The following BMPR1B variants were observed in gnomAD, a reference collection of about 807,000 sequenced individuals.
BMPR1B encodes the protein bone morphogenetic protein receptor type 1B, also known as bone morphogenetic protein receptor type-1B.
BMPR1B carries 12 observed loss-of-function variants against 59.1 expected under a neutral mutation model. The ratio of observed to expected loss-of-function variants is 0.20; its 90% CI spans 0.13 to 0.33. The LOEUF (loss-of-function observed/expected upper bound fraction) is 0.33. Ranked by LOEUF, BMPR1B falls within the 10% of genes least tolerant of loss-of-function variation. The pLI, the probability that BMPR1B is intolerant of heterozygous loss-of-function variation, is 1.00. For synonymous variants in BMPR1B, 237 were observed against 207.3 expected (o/e 1.14, Z -1.23); for missense variants, 550 against 610.9 (o/e 0.90, Z 1.05).
chr4:95,136,347 C>T (rs1178545055), intron 10 of BMPR1B, among the ~76,000 whole-genome samples: 1 of 152,162 alleles, frequency 6.6e-6, no homozygotes, highest in Non-Finnish European at 1.5e-5. Flanking sequence ...CGATGTTCAT[C>T]AGGGATATTG....
At position 94,803,858 on chromosome 4, in the gene BMPR1B, A is replaced by G. The variant is rs565354189; in HGVS notation, c.-183+45790A>G. Among the ~76,000 whole-genome samples, 30 of 134,214 alleles carry G rather than the reference A, an allele frequency of 2.2e-4. 1 individual carries two copies. The South Asian group carries it at 5.0e-3, about 22-fold the overall frequency. The allele number at this position is 134,214 out of a possible 152,430, so 88.0% of individuals were successfully genotyped here. A position where few individuals can be genotyped will look rare whatever the true frequency, so the allele number is the denominator to read the frequency against. Reference sequence around the variant, plus strand: ...GGTCGTGTGCTTAAAAAGTAAAAAGAAAAAAAACACATTATTTTATTTATT... The same window carrying G: ...GGTCGTGTGCTTAAAAAGTAAAAAGGAAAAAAACACATTATTTTATTTATT... On this transcript the variant is annotated intron_variant, in intron 1 of 12. Coordinates refer to ENST00000515059, the MANE Select transcript of BMPR1B (RefSeq NM_001203.3).
chr4:95,045,471 T>A (rs1578984652), intron 3 of BMPR1B, among the ~76,000 whole-genome samples: 1 of 152,180 alleles, frequency 6.6e-6, no homozygotes, highest in Non-Finnish European at 1.5e-5. Context: ...CTAATTCCCC[T>A]GCTCTCTAGG....
At chr4:94,969,689 C>T (rs1458844965) in intron 2 of BMPR1B, among the ~76,000 whole-genome samples, 1 of 152,152 alleles carries the variant, frequency 6.6e-6, no homozygotes, top group Non-Finnish European at 1.5e-5. Flanking sequence ...CTAATACATA[C>T]ATATTTCACT....
intron 1 of BMPR1B, among the ~76,000 whole-genome samples, chr4:94,768,833 A>C (rs1418818226): frequency 2.0e-5 from 3 of 152,204 alleles, no homozygotes; most frequent in African/African-American, 7.2e-5. Flanking sequence ...TATTTTGAAC[A>C]AAGGAATGTA....
chr4:95,142,200 A>G (rs1334341722), intron 10 of BMPR1B, among the ~76,000 whole-genome samples: 4 of 152,236 alleles, frequency 2.6e-5, no homozygotes, highest in Non-Finnish European at 5.9e-5. Context: ...AACATCTGCC[A>G]GGCAGAGTTC....
At chr4:95,120,683 C>CTT (rs1185524464) in intron 6 of BMPR1B, among the ~76,000 whole-genome samples, 1 of 142,796 alleles carries the variant, frequency 7.0e-6, no homozygotes, top group Non-Finnish European at 1.5e-5. Flanking sequence ...CTTTTCTTTT[C>CTT]TTTCTTTCTT....
chr4:94,800,553 G>T (rs1188239036), intron 1 of BMPR1B, among the ~76,000 whole-genome samples: 1 of 151,110 alleles, frequency 6.6e-6, no homozygotes, highest in African/African-American at 2.4e-5. Context: ...TAGGTGGGCA[G>T]CTGTGAAGGA....
At chr4:94,929,161 C>T (rs995427186) in intron 2 of BMPR1B, among the ~76,000 whole-genome samples, 10 of 152,084 alleles carry the variant, frequency 6.6e-5, no homozygotes, top group Non-Finnish European at 1.0e-4. Flanking sequence ...TCCCACAGCA[C>T]TTCTCTTAAT....
chr4:95,100,303 C>T (rs181775901), intron 3 of BMPR1B, among the ~76,000 whole-genome samples: 1 of 151,926 alleles, frequency 6.6e-6, no homozygotes, highest in Admixed American at 6.6e-5. Flanking sequence ...CTTTTTTTCC[C>T]CTGCCCTCAC....
chr4:95,034,725 C>T (rs1725109652), intron 3 of BMPR1B, among the ~76,000 whole-genome samples: 2 of 151,722 alleles, frequency 1.3e-5, no homozygotes, highest in African/African-American at 4.8e-5. Context: ...GTGAATTGTG[C>T]TGCTATAAAC....
At chr4:94,846,017 A>C (rs947236817) in intron 1 of BMPR1B, among the ~76,000 whole-genome samples, 1 of 152,206 alleles carries the variant, frequency 6.6e-6, no homozygotes, top group African/African-American at 2.4e-5. Context: ...CATCCTGAGC[A>C]AAAAGAACAA....
intron 4 of BMPR1B, among the ~76,000 whole-genome samples, chr4:95,113,453 C>T (rs141778799): frequency 1.3e-5 from 2 of 152,162 alleles, no homozygotes; most frequent in Non-Finnish European, 2.9e-5. Context: ...CATGCTGCTA[C>T]CACTAAGACA....
rs561203136 is a variant in BMPR1B, at chr4:94,997,919, T to C, written c.-18+1785T>C. Reference sequence around the variant, plus strand: ...CTTTCTTACCCCTTTTTATTGGTTTTGTTTTTATTCCTTCTGGTGTCTTGT... The same window carrying C: ...CTTTCTTACCCCTTTTTATTGGTTTCGTTTTTATTCCTTCTGGTGTCTTGT... On this transcript the variant is annotated intron_variant, in intron 3 of 12. Transcript: ENST00000515059. Among the ~76,000 whole-genome samples the C allele has an allele frequency of 7.9e-5, 12 of 152,330 alleles. No individual in the cohort carries two copies. In the South Asian group the frequency reaches 2.5e-3, roughly 32 times the overall value.
chr4:95,124,762 T>C (rs2149292029), intron 7 of BMPR1B, among the ~76,000 whole-genome samples: 1 of 152,080 alleles, frequency 6.6e-6, no homozygotes, highest in African/African-American at 2.4e-5. Flanking sequence ...TGAGACTGAG[T>C]AAAAATATGT....
chr4:94,828,291 C>T (rs1724454240), intron 1 of BMPR1B, among the ~76,000 whole-genome samples: 1 of 152,110 alleles, frequency 6.6e-6, no homozygotes, highest in Admixed American at 6.6e-5. Context: ...GTGAACAGTG[C>T]CTGATCTGAA....
At chr4:94,892,591 A>G (rs529877294) in intron 2 of BMPR1B, among the ~76,000 whole-genome samples, 15 of 152,198 alleles carry the variant, frequency 9.9e-5, no homozygotes, top group Admixed American at 4.6e-4. Flanking sequence ...AATAAATTCT[A>G]TAACCCAGTA....
chr4:95,000,189 C>T (rs979089252), intron 3 of BMPR1B, among the ~76,000 whole-genome samples: 1 of 152,006 alleles, frequency 6.6e-6, no homozygotes, highest in Non-Finnish European at 1.5e-5. Flanking sequence ...CTATTTAAAC[C>T]TTATAAACAT....
chr4:95,083,159 A>G (rs547889775), intron 3 of BMPR1B, among the ~76,000 whole-genome samples: 3 of 152,144 alleles, frequency 2.0e-5, no homozygotes, highest in Admixed American at 1.3e-4. Context: ...AGGTACAACA[A>G]TGTGACCCCT....
chr4:94,929,794 G>A (rs776052373), intron 2 of BMPR1B, among the ~76,000 whole-genome samples: 14 of 151,902 alleles, frequency 9.2e-5, no homozygotes, highest in Non-Finnish European at 1.5e-4. Flanking sequence ...ATTTCTGCAC[G>A]TCTCCACTTG....
Sources: gnomAD v4.1 joint callset for allele counts (sites outside exome capture counted in the v4.1 genomes callset) on GRCh38, gnomAD v4.1.1 for gene constraint, MANE v1.5 for transcripts, NCBI Gene and HGNC (gene_info 2026-07-23, HGNC 2026-07-21) for gene names.